The following CLCN7 variants were observed in gnomAD, a reference collection of about 807,000 sequenced individuals.
CLCN7 encodes the protein H(+)/Cl(-) exchange transporter 7.
CLCN7 carries 60 observed loss-of-function variants against 102.1 expected under a neutral mutation model. The ratio of observed to expected loss-of-function variants is 0.59; its 90% CI spans 0.48 to 0.73. The LOEUF is 0.73. Ranked by LOEUF, CLCN7 falls within the 30% of genes least tolerant of loss-of-function variation. The pLI is 0.00. For synonymous variants in CLCN7, 560 were observed against 490.5 expected, an observed-to-expected ratio of 1.14 and a Z score of -1.87; for missense variants, 962 against 1,125.7, an observed-to-expected ratio of 0.85 and a Z score of 2.08.
chr16:1,453,944 C>T (rs746331083), intron 13 of CLCN7, 50 bp from the exon 14 acceptor site: 29 of 1,560,060 alleles, frequency 1.9e-5, no homozygotes, highest in Non-Finnish European at 3.5e-6. Context: ...AAAGTGCGGG[C>T]CTCCGCCCGC....
chr16:1,462,665 C>CAAAAAAAAAA lies in CLCN7; in HGVS notation c.214-1001_214-992dup, dbSNP rs67969666. Among the ~76,000 whole-genome samples the CAAAAAAAAAA allele has an allele frequency of 1.4e-3, 51 of 36,146 alleles. 2 individuals are homozygous for CAAAAAAAAAA. Among genetic ancestry groups the CAAAAAAAAAA allele is most frequent in the African/African-American group, 3.6e-3 (45 of 12,670 alleles). The allele number at this position is 36,146 out of a possible 152,430, so 23.7% of individuals were successfully genotyped here. A position where few individuals can be genotyped will look rare whatever the true frequency, so the allele number is the denominator to read the frequency against. On this transcript the variant is annotated intron_variant, in intron 2 of 24. Transcript: ENST00000382745. Reference sequence around the variant, plus strand: ...GAGACCCCAACTCTTAAAAAAAAGCCAAAAAAAAAAAAAAAAAAAAAACCA... The same window carrying CAAAAAAAAAA: ...GAGACCCCAACTCTTAAAAAAAAGCCAAAAAAAAAAAAAAAAAAAAAAAAAAAAAAAACCA...
intron 1 of CLCN7, among the ~76,000 whole-genome samples, chr16:1,465,640 G>T (rs2038995031): frequency 6.6e-6 from 1 of 152,214 alleles, no homozygotes; most frequent in Admixed American, 6.5e-5. Flanking sequence ...GGAAAGAAGG[G>T]CTGGACAACA....
intron 2 of CLCN7, 74 bp from the exon 3 acceptor site, chr16:1,461,748 CA>C (rs1220304786): frequency 2.4e-6 from 3 of 1,260,064 alleles, no homozygotes; most frequent in Non-Finnish European, 3.5e-6. Flanking sequence ...TCAGCTCACA[CA>C]CGAGGCCATT....
chr16:1,475,010 G>C lies in CLCN7; in HGVS notation c.-36C>G, dbSNP rs1322381551. ...GGAGCGACACCGGCCGGGAAGCGCC[G>C]GCTGCCCCCGTGTTTGTTCTCGTGA... On this transcript the variant is annotated 5_prime_UTR_variant, in exon 1 of 25. Transcript: ENST00000382745. 2 of 1,419,916 alleles carry C rather than the reference G, an allele frequency of 1.4e-6. No homozygotes were observed. Among genetic ancestry groups the C allele is most frequent in the Admixed American group, 2.5e-5 (1 of 40,052 alleles). 88.0% of individuals were successfully genotyped at this position (1,419,916 alleles called of 1,614,324 possible).
intron 1 of CLCN7, among the ~76,000 whole-genome samples, chr16:1,466,439 G>A (rs1276447175): frequency 2.0e-5 from 3 of 152,366 alleles, no homozygotes; most frequent in African/African-American, 4.8e-5. Context: ...ACGGGGAGAC[G>A]TGCAGGAACG....
intron 5 of CLCN7, 28 bp from the exon 6 acceptor site, chr16:1,460,555 C>T (rs1596223629): frequency 6.4e-7 from 1 of 1,572,150 alleles, no homozygotes; most frequent in Non-Finnish European, 8.7e-7. Context: ...GGGCTGGCTG[C>T]TTCCCCGTCA....
intron 1 of CLCN7, among the ~76,000 whole-genome samples, chr16:1,473,112 T>TAC (rs1415747775): frequency 6.6e-6 from 1 of 151,162 alleles, no homozygotes; most frequent in African/African-American, 2.4e-5. Flanking sequence ...CACAGAGGCA[T>TAC]ACACATACAC....
rs2038990010 is a variant in CLCN7 at position 1,465,305 on chromosome 16, T to C, written c.175A>G (p.Met59Val). Residue 59 changes from methionine to valine, a missense_variant, in exon 2 of 25, where the codon ATG becomes GTG. Physicochemically the swap from Met to Val is conservative, Grantham distance 21 (BLOSUM62 1). Transcript: ENST00000382745. The part of the protein sequence containing the change: ...PRSALFRVGH[M>V]SSVELDDELL... The stretch of plus-strand genomic sequence containing the variant: ...TCATCATCCAGCTCCACGCTGCTCA[T>C]ATGTCCGACTCGGAAAAGCGCAGAA... 3 of 1,613,904 alleles carry C rather than the reference T, an allele frequency of 1.9e-6. No homozygotes were observed. The highest frequency in any genetic ancestry group is 2.2e-5 in the East Asian group (1 of 44,886).
chr16:1,457,327 A>G lies in CLCN7; in HGVS notation c.749T>C (p.Met250Thr), dbSNP rs746111460. The change falls in exon 9 of 25, where the codon ATG becomes ACG. Residue 250 changes from methionine (M) to threonine (T), a missense_variant. Physicochemically the swap from Met to Thr is moderately conservative, Grantham distance 81 (BLOSUM62 -1). Around this residue, in one of 2 missense-constraint regions of CLCN7, gnomAD observed 799 missense variants for 988.0 expected, o/e 0.81. Transcript: ENST00000382745. The surrounding 1 kb of genome is among the most constrained non-coding windows in gnomAD (Gnocchi z 5.4). ...GGLAVGKEGP[M>T]IHSGSVIAAG... ...GGCAATCACTGAACCTGAGTGGATC[A>G]TCGGCCCTTCCTGGAGACCAGAAGG... is the stretch of plus-strand genomic sequence containing the variant. 1.9e-6 allele frequency: 3 copies of G among 1,613,766 alleles called. No individual in the cohort carries two copies. Among genetic ancestry groups the G allele is most frequent in the South Asian group, 2.2e-5 (2 of 91,094 alleles).
intron 2 of CLCN7, among the ~76,000 whole-genome samples, chr16:1,464,681 C>T (rs1267407053): frequency 6.6e-6 from 1 of 152,206 alleles, no homozygotes; most frequent in African/African-American, 2.4e-5. Flanking sequence ...AAGGAGGACG[C>T]CCGGGGTGTT....
At chr16:1,469,547 A>G (rs997804014) in intron 1 of CLCN7, among the ~76,000 whole-genome samples, 1 of 151,942 alleles carries the variant, frequency 6.6e-6, no homozygotes, top group Non-Finnish European at 1.5e-5. Context: ...TTAGCCGGGC[A>G]TGGTGGTGGG....
rs2038845906 is a variant in CLCN7, at chr16:1,457,058, G to A, written c.822+196C>T. Among the ~76,000 whole-genome samples, 2 of 152,182 alleles carry A rather than the reference G, an allele frequency of 1.3e-5. No individual in the cohort carries two copies. The highest frequency in any genetic ancestry group is 4.1e-4 in the South Asian group (2 of 4,832). ...GCACGTGTGGCAGGGGACCCAAGGAGGGAAGCAGCGGGCCGTAGGGAGGCC... is the reference window on the plus strand; with the variant it reads ...GCACGTGTGGCAGGGGACCCAAGGAAGGAAGCAGCGGGCCGTAGGGAGGCC... On this transcript the variant is annotated intron_variant, in intron 9 of 24. Coordinates refer to ENST00000382745, the MANE Select transcript of CLCN7 (RefSeq NM_001287.6). This position sits in a 1 kb window ranked among gnomAD's most constrained non-coding sequence, Gnocchi z 5.4.
At position 1,460,534 on chromosome 16, in the gene CLCN7, C is replaced by T. The variant is rs201052552; in HGVS notation, c.485-7G>A. 557 of 1,606,556 alleles carry T rather than the reference C, an allele frequency of 3.5e-4. 6 individuals are homozygous for T. The African/African-American group carries it at 7.0e-3, about 20-fold the overall frequency. On this transcript the variant is annotated splice_region_variant and splice_polypyrimidine_tract_variant and intron_variant, in intron 5 of 24. Coordinates refer to ENST00000382745, the MANE Select transcript of CLCN7 (RefSeq NM_001287.6). ...TCTGTGAACTTGTCGATATCTGGGG[C>T]TCATCAAGGAGGGCTGGCTGCTTCC...
Position 1,448,500 on chromosome 16 carries a change from G to A in CLCN7, c.1884-16C>T, listed in dbSNP as rs41292291. 0.019 allele frequency: 30,434 copies of A among 1,607,234 alleles called. 375 individuals carry two copies. The highest frequency in any genetic ancestry group is 0.023 in the Non-Finnish European group (26,719 of 1,179,872). On this transcript the variant is annotated splice_polypyrimidine_tract_variant and intron_variant, in intron 20 of 24. Transcript: ENST00000382745. The stretch of plus-strand genomic sequence containing the variant: ...CATCACCTCCCTGCCGGAGGAGCCC[G>A]GCCACACATGCCCGTCACACGCCAC...
chr16:1,449,220 G>A (rs1005872866), intron 18 of CLCN7, 56 bp downstream of exon 18: 7 of 1,568,318 alleles, frequency 4.5e-6, no homozygotes. Flanking sequence ...GGACAGCCAT[G>A]GCCCCCTCCA....
intron 15 of CLCN7, chr16:1,451,968 C>G: frequency 2.0e-6 from 1 of 491,808 alleles, no homozygotes; most frequent in South Asian, 2.0e-5. Context: ...GTGTCTAGCC[C>G]TGGGGGGTGG....
chr16:1,448,855 C>T, intron 19 of CLCN7, 89 bp from the exon 20 acceptor site: 1 of 1,597,298 alleles, frequency 6.3e-7, no homozygotes, highest in Non-Finnish European at 8.5e-7. Context: ...GAGGCCGCCC[C>T]CAGAAACCCT....
At position 1,456,133 on chromosome 16, in the gene CLCN7, G is replaced by T; in HGVS notation, c.896C>A (p.Ala299Glu). The T allele has an allele frequency of 6.4e-7, 1 of 1,560,792 alleles. No homozygotes were observed. The highest frequency in any genetic ancestry group is 8.7e-7 in the Non-Finnish European group (1 of 1,152,388). Reference sequence around the variant, plus strand: ...CTCACCCACGGGGGCTCCAAACGCCGCTGACACTCCGGCCGCAGCCCCTGC... The same window carrying T: ...CTCACCCACGGGGGCTCCAAACGCCTCTGACACTCCGGCCGCAGCCCCTGC... ...VSAGAAAGVS[A>E]AFGAPVGGVL... Residue 299 changes from alanine (A) to glutamate (E), a missense_variant, in exon 10 of 25, where the codon GCG becomes GAG. Coordinates refer to ENST00000382745, the MANE Select transcript of CLCN7 (RefSeq NM_001287.6).
chr16:1,457,329 C>T lies in CLCN7; in HGVS notation c.747G>A (p.Pro249=), dbSNP rs199790407. ...VGGLAVGKEG[P]MIHSGSVIAA... is the part of the protein sequence containing the mutation. ...CAATCACTGAACCTGAGTGGATCATCGGCCCTTCCTGGAGACCAGAAGGAC... is the reference window on the plus strand; with the variant it reads ...CAATCACTGAACCTGAGTGGATCATTGGCCCTTCCTGGAGACCAGAAGGAC... The change falls in exon 9 of 25, where the codon CCG becomes CCA. Residue 249 remains proline, a synonymous_variant. Transcript: ENST00000382745. The surrounding 1 kb of genome is among the most constrained non-coding windows in gnomAD (Gnocchi z 5.4). The T allele has an allele frequency of 3.4e-4, 542 of 1,613,530 alleles. 1 individual carries two copies. Among genetic ancestry groups the T allele is most frequent in the South Asian group, 1.8e-3 (162 of 91,052 alleles).
Sources: allele counts gnomAD v4.1 joint callset (sites outside exome capture counted in the v4.1 genomes callset), GRCh38; gene constraint gnomAD v4.1.1; regional missense constraint gnomAD v4.1.1; non-coding constraint Gnocchi (gnomAD v3.1); transcripts MANE v1.5; gene names NCBI Gene and HGNC (gene_info 2026-07-23, HGNC 2026-07-21).